MMP7: variants seen among roughly 807,000 people sequenced by gnomAD.
The protein encoded by MMP7 is matrix metallopeptidase 7.
Under a neutral mutation model 31.5 loss-of-function variants are expected in MMP7, and 26 were observed. That is an observed-to-expected ratio of 0.83 (90% CI 0.61 to 1.15). The LOEUF (loss-of-function observed/expected upper bound fraction) is 1.15. MMP7 is among the 50% of genes most tolerant of loss of function. The probability of loss-of-function intolerance (pLI) is 0.00; values close to 1 mark genes in which losing one functional copy is unlikely to be tolerated. For missense variants in MMP7, 367 were observed against 326.5 expected, an observed-to-expected ratio of 1.12 and a Z score of -0.96; for synonymous variants, 142 against 124.2, an observed-to-expected ratio of 1.14 and a Z score of -0.95.
chr11:102,521,330 T>A (rs1301394820), intron 5 of MMP7, among the ~76,000 whole-genome samples: 1 of 152,186 alleles, frequency 6.6e-6, no homozygotes, highest in African/African-American at 2.4e-5. Context: ...CCTGAGTTGC[T>A]GGGACTACAG....
rs2135905586 is a variant in MMP7, at chr11:102,527,612, A to G, written c.396T>C (p.Ala132=). 6.2e-7 allele frequency: 1 copy of G among 1,614,150 alleles called. No individual in the cohort carries two copies. Among genetic ancestry groups the G allele is most frequent in the Middle Eastern group, 1.6e-4 (1 of 6,062 alleles). ...GGATCTCTTTGCCCCACATGTTTAA[A>G]GCCTTTGACACTAATCGATCCACTG... ...HITVDRLVSK[A]LNMWGKEIPL... is the part of the protein sequence containing the mutation. The change falls in exon 3 of 6, where the codon GCT becomes GCC. Residue 132 remains alanine, a synonymous_variant. Coordinates refer to ENST00000260227, the MANE Select transcript of MMP7 (RefSeq NM_002423.5).
intron 3 of MMP7, chr11:102,527,162 G>C (rs1380343414): frequency 7.8e-6 from 2 of 256,620 alleles, no homozygotes; most frequent in Admixed American, 1.0e-4. Context: ...TTCTGTAAAG[G>C]GTCAGATAAC....
Position 102,530,669 on chromosome 11 carries a change from A to C in MMP7, c.32T>G (p.Leu11Arg), listed in dbSNP as rs1285572994. 1 of 1,613,972 alleles carries C rather than the reference A, an allele frequency of 6.2e-7. No individual in the cohort carries two copies. The highest frequency in any genetic ancestry group is 8.5e-7 in the Non-Finnish European group (1 of 1,179,934). MRLTVLCAVC[L>R]LPGSLALPLP... The stretch of plus-strand genomic sequence containing the variant: ...CGGCAGGGCCAGGCTGCCAGGCAGC[A>C]GGCACACAGCACACAGCACGGTGAG... Residue 11 changes from leucine (L) to arginine (R), a missense_variant, in exon 1 of 6, where the codon CTG becomes CGG. Physicochemically the swap from Leu to Arg is moderately radical, Grantham distance 102. Coordinates refer to ENST00000260227, the MANE Select transcript of MMP7 (RefSeq NM_002423.5).
rs565332822 is a variant in MMP7 at position 102,527,630 on chromosome 11, A to G, written c.378T>C (p.Asp126=). 1.3e-5 allele frequency: 21 copies of G among 1,614,138 alleles called. No homozygotes were observed. In the South Asian group the frequency reaches 2.0e-4, roughly 15 times the overall value. ...TGTTTAAAGCCTTTGACACTAATCG[A>G]TCCACTGTAATATGCGGTAAGTCTC... ...YTRDLPHITV[D]RLVSKALNMW... Residue 126 remains aspartate, a synonymous_variant, in exon 3 of 6, where the codon GAT becomes GAC. Coordinates refer to ENST00000260227, the MANE Select transcript of MMP7 (RefSeq NM_002423.5).
chr11:102,524,950 T>A lies in MMP7; in HGVS notation c.599A>T (p.Asp200Val), dbSNP rs181535515. The A allele has an allele frequency of 2.1e-5, 34 of 1,613,884 alleles. 1 individual carries two copies. The Admixed American group carries it at 2.8e-4, about 13-fold the overall frequency. The change falls in exon 4 of 6, where the codon GAT becomes GTT. Residue 200 changes from aspartate to valine, a missense_variant. By Grantham distance (152) the Asp-to-Val change is radical. Coordinates refer to ENST00000260227, the MANE Select transcript of MMP7 (RefSeq NM_002423.5). Reference protein sequence around the residue: ...AHFDEDERWTDGSSLGINFLY... With the variant: ...AHFDEDERWTVGSSLGINFLY... Reference sequence around the variant, plus strand: ...AGATGCTATACCTAGACTGCTACCATCCGTCCAGCGTTCATCCTCATCGAA... The same window carrying A: ...AGATGCTATACCTAGACTGCTACCAACCGTCCAGCGTTCATCCTCATCGAA...
At position 102,527,663 on chromosome 11, in the gene MMP7, T is replaced by C. The variant is rs759409525; in HGVS notation, c.345A>G (p.Ser115=). ...TAATATGCGGTAAGTCTCGAGTATA[T>C]GATACGATCCTAGTAGCAAACAAGA... ...TSKVVTYRIV[S]YTRDLPHITV... The change falls in exon 3 of 6, where the codon TCA becomes TCG. Residue 115 remains serine, a synonymous_variant. Coordinates refer to ENST00000260227, the MANE Select transcript of MMP7 (RefSeq NM_002423.5). The C allele has an allele frequency of 2.0e-5, 32 of 1,613,998 alleles. No homozygotes were observed. Among genetic ancestry groups the C allele is most frequent in the Middle Eastern group, 1.6e-4 (1 of 6,084 alleles).
chr11:102,526,469 G>A (rs757899597), intron 3 of MMP7, among the ~76,000 whole-genome samples: 4 of 151,874 alleles, frequency 2.6e-5, no homozygotes, highest in East Asian at 1.9e-4. Flanking sequence ...ACTCCTGACC[G>A]CAGATGATCC....
chr11:102,529,788 A>G (rs1858711632), intron 1 of MMP7, among the ~76,000 whole-genome samples: 2 of 152,320 alleles, frequency 1.3e-5, no homozygotes, highest in African/African-American at 4.8e-5. Context: ...TTTTTGAACC[A>G]GAAGCACTTG....
At chr11:102,523,019 T>C (rs1858630356) in intron 5 of MMP7, among the ~76,000 whole-genome samples, 1 of 152,188 alleles carries the variant, frequency 6.6e-6, no homozygotes. Flanking sequence ...TTTTACCACA[T>C]GATACTATGT....
intron 5 of MMP7, among the ~76,000 whole-genome samples, 157 bp from the exon 6 acceptor site, chr11:102,520,961 C>T (rs1008175069): frequency 2.0e-5 from 3 of 152,176 alleles, no homozygotes; most frequent in Non-Finnish European, 4.4e-5. Context: ...GAACAACCTC[C>T]AGAGGCTAAG....
intron 5 of MMP7, among the ~76,000 whole-genome samples, chr11:102,521,276 C>A (rs766269309): frequency 3.9e-5 from 6 of 152,192 alleles, no homozygotes; most frequent in Non-Finnish European, 8.8e-5. Flanking sequence ...TGACTCACTG[C>A]AACCTCTGCC....
At chr11:102,524,302 A>G (rs1858644844) in intron 4 of MMP7, 1 of 152,196 alleles carries the variant, frequency 6.6e-6, no homozygotes, top group Non-Finnish European at 1.5e-5. Context: ...TAGCCTTAAA[A>G]AAATTGTCTC....
chr11:102,529,698 ATTAG>A (rs1186917304), intron 1 of MMP7, among the ~76,000 whole-genome samples: 1 of 152,220 alleles, frequency 6.6e-6, no homozygotes, highest in Non-Finnish European at 1.5e-5. Flanking sequence ...TAATCATCCC[ATTAG>A]TTAACCAAAT....
rs1053908572 is a variant in MMP7 at position 102,523,335 on chromosome 11, T to G, written c.680A>C (p.Asp227Ala). The G allele has an allele frequency of 2.5e-6, 4 of 1,613,202 alleles. No homozygotes were observed. The African/African-American group carries it at 4.0e-5, about 16-fold the overall frequency. ...GHSLGMGHSS[D>A]PNAVMYPTYG... is the part of the protein sequence containing the mutation. ...GGTTGGATACATCACTGCATTAGGA[T>G]CAGAGGAATGTCCCATACCCAAAGA... Residue 227 changes from aspartate (D) to alanine (A), a missense_variant, in exon 5 of 6, where the codon GAT (aspartate) becomes GCT (alanine). Coordinates refer to ENST00000260227, the MANE Select transcript of MMP7 (RefSeq NM_002423.5).
chr11:102,530,553 G>A, intron 1 of MMP7, 40 bp downstream of exon 1: 1 of 1,488,166 alleles, frequency 6.7e-7, no homozygotes, highest in Non-Finnish European at 9.4e-7. Context: ...AATGCAGATG[G>A]CAAAAGAATG....
chr11:102,528,065 G>A (rs189095708), intron 1 of MMP7, 82 bp from the exon 2 acceptor site: 2 of 979,586 alleles, frequency 2.0e-6, no homozygotes, highest in African/African-American at 3.3e-5. Flanking sequence ...TCTTGCCTTT[G>A]GTTCCTGTGA....
Position 102,530,734 on chromosome 11 carries a change from A to G in MMP7, c.-34T>C, listed in dbSNP as rs1565377421. 5.0e-6 allele frequency: 8 copies of G among 1,588,618 alleles called. No individual in the cohort carries two copies. The highest frequency in any genetic ancestry group is 4.3e-6 in the Non-Finnish European group (5 of 1,161,144). ...TCCAGAGACAATTGTTCTTGGACCT[A>G]TGGTTGATTTGGTGTTTTCTGCTAG... On this transcript the variant is annotated 5_prime_UTR_variant, in exon 1 of 6. Transcript: ENST00000260227.
intron 1 of MMP7, among the ~76,000 whole-genome samples, 192 bp downstream of exon 1, chr11:102,530,401 G>A (rs1471554539): frequency 1.3e-5 from 2 of 152,178 alleles, no homozygotes; most frequent in East Asian, 1.9e-4. Context: ...ACTCAAGCCC[G>A]ATTTGAGCAG....
At chr11:102,529,817 A>G (rs1858711982) in intron 1 of MMP7, among the ~76,000 whole-genome samples, 1 of 152,188 alleles carries the variant, frequency 6.6e-6, no homozygotes, top group South Asian at 2.1e-4. Context: ...TTCTATCTCT[A>G]CCACTAATAA....
Sources: gnomAD v4.1 joint callset for allele counts (sites outside exome capture counted in the v4.1 genomes callset) on GRCh38, gnomAD v4.1.1 for gene constraint, MANE v1.5 for transcripts, NCBI Gene and HGNC (gene_info 2026-07-23, HGNC 2026-07-21) for gene names.